The following AKAP6 variants were observed in gnomAD, a reference collection of about 807,000 sequenced individuals.
The protein encoded by AKAP6 is A-kinase anchoring protein 6, also known as A-kinase anchor protein 6.
In AKAP6, 58 loss-of-function variants were observed where a neutral mutation model predicts 188.5. The ratio of observed to expected loss-of-function variants is 0.31; its 90% CI spans 0.25 to 0.38. The LOEUF (loss-of-function observed/expected upper bound fraction) is 0.38, where lower values mean the gene tolerates loss of function less well. Ranked by LOEUF, AKAP6 falls within the 10% of genes least tolerant of loss-of-function variation. AKAP6 has a pLI of 1.00. For missense variants in AKAP6, 2,710 were observed against 2,740.0 expected, an observed-to-expected ratio of 0.99 and a Z score of 0.24; for synonymous variants, 989 against 998.6, an observed-to-expected ratio of 0.99 and a Z score of 0.18.
rs1238712461 is a variant in AKAP6, at chr14:32,630,108, C to A, written c.2730+29316C>A. ...TTCTCCAGTGTACAGGCCAAAGTAC[C>A]AGCTCTCAACTGCCTCTTCTTGTTC... On this transcript the variant is annotated intron_variant, in intron 7 of 13. Coordinates refer to ENST00000280979, the MANE Select transcript of AKAP6 (RefSeq NM_004274.5). Among the ~76,000 whole-genome samples, 3 of 151,984 alleles carry A rather than the reference C, an allele frequency of 2.0e-5. No homozygotes were observed. The East Asian group carries it at 5.8e-4, about 29-fold the overall frequency.
At position 32,740,775 on chromosome 14, in the gene AKAP6, A is replaced by T. The variant is rs192602142; in HGVS notation, c.3372+4893A>T. 2.6e-5 allele frequency among the ~76,000 whole-genome samples: 4 copies of T among 152,034 alleles called. No homozygotes were observed. In the East Asian group the frequency reaches 7.7e-4, roughly 29 times the overall value. The stretch of plus-strand genomic sequence containing the variant: ...TACCATGCTATTTGGTTAACTACTA[A>T]TTCTGTAGTATACTTTGAAGTCAGG... On this transcript the variant is annotated intron_variant, in intron 11 of 13. Transcript: ENST00000280979.
At chr14:32,530,281 T>A (rs1234911323) in intron 2 of AKAP6, among the ~76,000 whole-genome samples, 1 of 152,058 alleles carries the variant, frequency 6.6e-6, no homozygotes, top group Non-Finnish European at 1.5e-5. Flanking sequence ...CCTGCCTCAG[T>A]CTCCCAAAGT....
intron 1 of AKAP6, among the ~76,000 whole-genome samples, chr14:32,356,226 T>G (rs1329402900): frequency 6.6e-6 from 1 of 152,234 alleles, no homozygotes; most frequent in Non-Finnish European, 1.5e-5. Flanking sequence ...CATAGAATCC[T>G]CAGCAGTCCT....
intron 4 of AKAP6, among the ~76,000 whole-genome samples, chr14:32,550,289 G>A (rs1883397279): frequency 6.6e-6 from 1 of 152,190 alleles, no homozygotes; most frequent in Non-Finnish European, 1.5e-5. Flanking sequence ...GGTGGTGCAG[G>A]TAATTTTTTA....
At chr14:32,583,833 C>T (rs141168008) in intron 5 of AKAP6, among the ~76,000 whole-genome samples, 1,703 of 152,284 alleles carry the variant, frequency 0.011, 31 homozygotes, top group African/African-American at 0.038. Context: ...TCAGAAAAAG[C>T]GCATTATTAG....
At chr14:32,333,059 T>C (rs1886581098) in intron 1 of AKAP6, among the ~76,000 whole-genome samples, 1 of 152,148 alleles carries the variant, frequency 6.6e-6, no homozygotes. Context: ...CTTAGAAATA[T>C]TATTCCACAG....
chr14:32,333,693 A>G (rs997040076), intron 1 of AKAP6, among the ~76,000 whole-genome samples: 4 of 152,124 alleles, frequency 2.6e-5, no homozygotes, highest in African/African-American at 9.7e-5. Flanking sequence ...GGATGTGGAC[A>G]AGACCAATAT....
intron 4 of AKAP6, among the ~76,000 whole-genome samples, chr14:32,558,927 C>G (rs534638949): frequency 3.3e-5 from 5 of 152,114 alleles, no homozygotes; most frequent in Non-Finnish European, 5.9e-5. Context: ...ACCTCAAAGG[C>G]GTTTTGGAAA....
At chr14:32,454,409 A>T (rs528689092) in intron 2 of AKAP6, among the ~76,000 whole-genome samples, 1 of 152,140 alleles carries the variant, frequency 6.6e-6, no homozygotes, top group Non-Finnish European at 1.5e-5. Flanking sequence ...TTGTCCTTCT[A>T]TAGCAAGGCT....
At chr14:32,519,928 T>C (rs1292750611) in intron 2 of AKAP6, among the ~76,000 whole-genome samples, 3 of 152,150 alleles carry the variant, frequency 2.0e-5, no homozygotes, top group East Asian at 1.9e-4. Context: ...TATTCCAAAA[T>C]TGACCACATA....
In AKAP6 at chr14:32,433,620, A is replaced by G. The variant is rs777096337; in HGVS notation, c.127A>G (p.Met43Val). 1.9e-6 allele frequency: 3 copies of G among 1,614,030 alleles called. No homozygotes were observed. The African/African-American group carries it at 4.0e-5, about 22-fold the overall frequency. The change falls in exon 2 of 14, where the codon ATG becomes GTG. Residue 43 changes from methionine (M) to valine (V), a missense_variant. By Grantham distance (21) the Met-to-Val change is conservative. Transcript: ENST00000280979. Reference protein sequence around the residue: ...TVEQGEGEEAMKDMDSDQQYE... With the variant: ...TVEQGEGEEAVKDMDSDQQYE... Reference sequence around the variant, plus strand: ...GGAGCAGGGTGAGGGAGAAGAGGCAATGAAGGACATGGACTCTGACCAGCA... The same window carrying G: ...GGAGCAGGGTGAGGGAGAAGAGGCAGTGAAGGACATGGACTCTGACCAGCA...
At chr14:32,694,263 A>T (rs1231566159) in intron 8 of AKAP6, among the ~76,000 whole-genome samples, 1 of 151,884 alleles carries the variant, frequency 6.6e-6, no homozygotes, top group African/African-American at 2.4e-5. Flanking sequence ...CGGGAGGCTG[A>T]GGCAGGAGAA....
intron 1 of AKAP6, among the ~76,000 whole-genome samples, chr14:32,365,141 T>C (rs1246429839): frequency 7.2e-5 from 11 of 152,170 alleles, no homozygotes; most frequent in Non-Finnish European, 1.3e-4. Flanking sequence ...CAGTGCCATA[T>C]TCTCTAATTG....
chr14:32,760,704 C>T (rs961831412), intron 11 of AKAP6, among the ~76,000 whole-genome samples: 1 of 152,118 alleles, frequency 6.6e-6, no homozygotes, highest in Non-Finnish European at 1.5e-5. Flanking sequence ...GGAAAATTAG[C>T]TTTATTCAAG....
chr14:32,561,045 G>C (rs1452554029), intron 4 of AKAP6, among the ~76,000 whole-genome samples: 1 of 152,072 alleles, frequency 6.6e-6, no homozygotes, highest in Non-Finnish European at 1.5e-5. Flanking sequence ...CAAGGATATA[G>C]AACTTAAACA....
chr14:32,678,098 G>T lies in AKAP6; in HGVS notation c.2731-213G>T, dbSNP rs972840824. On this transcript the variant is annotated intron_variant, in intron 7 of 13. Transcript: ENST00000280979. Reference sequence around the variant, plus strand: ...GTGATATTTACAGAGTCTTCTGAGGGTTCATTTATTCAGGTCATATTTTAA... The same window carrying T: ...GTGATATTTACAGAGTCTTCTGAGGTTTCATTTATTCAGGTCATATTTTAA... Among the ~76,000 whole-genome samples the T allele has an allele frequency of 2.0e-5, 3 of 152,104 alleles. No homozygotes were observed. In the East Asian group the frequency reaches 5.8e-4, roughly 29 times the overall value.
intron 1 of AKAP6, among the ~76,000 whole-genome samples, chr14:32,374,338 G>A (rs73256799): frequency 0.018 from 2,800 of 152,288 alleles, 94 homozygotes; most frequent in African/African-American, 0.065. Flanking sequence ...AACTTTGTCC[G>A]GGGAGTCATC....
intron 2 of AKAP6, among the ~76,000 whole-genome samples, chr14:32,522,848 C>T (rs1881916665): frequency 6.6e-6 from 1 of 151,728 alleles, no homozygotes; most frequent in Admixed American, 6.6e-5. Context: ...GGGTATATAC[C>T]CAAAGGATTA....
At chr14:32,633,786 A>G (rs1887375973) in intron 7 of AKAP6, among the ~76,000 whole-genome samples, 1 of 152,078 alleles carries the variant, frequency 6.6e-6, no homozygotes, top group Non-Finnish European at 1.5e-5. Flanking sequence ...TACTGCAGCA[A>G]AGCCTACCAA....
Sources: gnomAD v4.1 joint callset for allele counts (sites outside exome capture counted in the v4.1 genomes callset) on GRCh38, gnomAD v4.1.1 for gene constraint, MANE v1.5 for transcripts, NCBI Gene and HGNC (gene_info 2026-07-23, HGNC 2026-07-21) for gene names.